Variants in STK3 observed in about 807,000 individuals in gnomAD.
The protein encoded by STK3 is serine/threonine-protein kinase 3.
Under a neutral mutation model 58.0 loss-of-function variants are expected in STK3, and 41 were observed. The ratio of observed to expected loss-of-function variants is 0.71; its 90% CI spans 0.55 to 0.92. The LOEUF is 0.92. STK3 is among the 40% of genes least tolerant of loss of function. STK3 has a pLI of 0.00. For synonymous variants in STK3, 170 were observed against 191.0 expected (o/e 0.89, Z 0.91); for missense variants, 479 against 602.7 (o/e 0.79, Z 2.15).
chr8:98,554,758 G>T (rs960632229), intron 8 of STK3, among the ~76,000 whole-genome samples: 1 of 152,074 alleles, frequency 6.6e-6, no homozygotes, highest in African/African-American at 2.4e-5. Context: ...TTATAATTTG[G>T]TGATGGTGTT....
intron 1 of STK3, among the ~76,000 whole-genome samples, chr8:98,809,228 C>T (rs1834071608): frequency 6.6e-6 from 1 of 152,210 alleles, no homozygotes; most frequent in Non-Finnish European, 1.5e-5. Flanking sequence ...TAGCCAATGA[C>T]TGAACTTGAT....
At chr8:98,710,269 C>T (rs1192078232) in intron 4 of STK3, among the ~76,000 whole-genome samples, 1 of 152,134 alleles carries the variant, frequency 6.6e-6, no homozygotes, top group African/African-American at 2.4e-5. Flanking sequence ...AGATTCATCT[C>T]ACTGGGGAGT....
At chr8:98,868,741 G>A (rs955173819) in intron 3 of STK3, among the ~76,000 whole-genome samples, 2 of 152,026 alleles carry the variant, frequency 1.3e-5, no homozygotes, top group Admixed American at 6.6e-5. Flanking sequence ...GGCCGACGCC[G>A]GCGGATGGCT....
intron 1 of STK3, among the ~76,000 whole-genome samples, chr8:98,824,946 G>A (rs1835154252): frequency 6.6e-6 from 1 of 152,200 alleles, no homozygotes; most frequent in Non-Finnish European, 1.5e-5. Flanking sequence ...GGCTTCCTAA[G>A]ATCATTGCAA....
At chr8:98,622,936 C>T (rs1818433797) in intron 6 of STK3, among the ~76,000 whole-genome samples, 1 of 152,064 alleles carries the variant, frequency 6.6e-6, no homozygotes, top group African/African-American at 2.4e-5. Context: ...TAATAGAACA[C>T]AACGGTAGTA....
intron 1 of STK3, among the ~76,000 whole-genome samples, chr8:98,908,791 C>A (rs79633577): frequency 7.0e-6 from 1 of 141,866 alleles, no homozygotes; most frequent in South Asian, 2.2e-4. Context: ...TGCAGTGAGC[C>A]GAGATAACAC....
Position 98,682,296 on chromosome 8 carries a change from C to A in STK3, c.684+24171G>T, listed in dbSNP as rs529467441. ...TGAACCAAAATGTACTAACTACATA[C>A]AAGTCCTTAAAGATCATGATGCAAC... On this transcript the variant is annotated intron_variant, in intron 6 of 10. Transcript: ENST00000419617. Among the ~76,000 whole-genome samples the A allele has an allele frequency of 2.6e-5, 4 of 152,242 alleles. No individual in the cohort carries two copies. In the South Asian group the frequency reaches 8.3e-4, roughly 32 times the overall value.
intron 10 of STK3, 69 bp downstream of exon 10, chr8:98,526,661 ATACATATGAACT>A: frequency 8.2e-7 from 1 of 1,222,926 alleles, no homozygotes; most frequent in Non-Finnish European, 1.1e-6. Flanking sequence ...CACAGTTCAT[ATACATATGAACT>A]ATGCTTCTCA....
chr8:98,659,508 CTT>C (rs113528602), intron 6 of STK3, among the ~76,000 whole-genome samples: 3 of 145,202 alleles, frequency 2.1e-5, no homozygotes, highest in Non-Finnish European at 3.1e-5. Context: ...AATTACTTAA[CTT>C]TTTTTTTTTT....
At chr8:98,412,893 A>G in intron 3 of STK3, 1 of 254,478 alleles carries the variant, frequency 3.9e-6, no homozygotes, top group Non-Finnish European at 7.4e-6. Context: ...TAGTTACTAA[A>G]AGAAGATTCA....
intron 3 of STK3, among the ~76,000 whole-genome samples, chr8:98,751,087 T>C (rs944793061): frequency 1.3e-5 from 2 of 152,156 alleles, no homozygotes; most frequent in South Asian, 2.1e-4. Flanking sequence ...AAACTAGGTA[T>C]TGAAGGAACA....
At chr8:98,693,866 A>AAAG (rs76378146) in intron 6 of STK3, among the ~76,000 whole-genome samples, 47,724 of 151,798 alleles carry the variant, frequency 0.31, 7,778 homozygotes, top group Admixed American at 0.43. Context: ...ATTGAGCAGG[A>AAAG]AAGGAGGACA....
intron 1 of STK3, among the ~76,000 whole-genome samples, chr8:98,910,516 T>C (rs1839087239): frequency 6.6e-6 from 1 of 152,228 alleles, no homozygotes; most frequent in Admixed American, 6.5e-5. Flanking sequence ...ACTTCTATAG[T>C]GTGATCAACT....
At chr8:98,826,072 A>AG (rs1479679116), upstream of STK3, among the ~76,000 whole-genome samples, 2 of 151,984 alleles carry the variant, frequency 1.3e-5, no homozygotes, top group Non-Finnish European at 2.9e-5. Flanking sequence ...CGCTAGAGCT[A>AG]GGGGGCGAGG....
intron 3 of STK3, chr8:98,427,935 C>T (rs1261393183): frequency 2.1e-6 from 3 of 1,437,984 alleles, no homozygotes; most frequent in Non-Finnish European, 2.8e-6. Context: ...CCTCCGCTTC[C>T]AGGTGTAGCG....
Position 98,448,012 on chromosome 8 carries a change from G to C in STK3, n.186-10804C>G, listed in dbSNP as rs549314587. Among the ~76,000 whole-genome samples the C allele has an allele frequency of 3.7e-5, 5 of 135,140 alleles. No individual in the cohort carries two copies. In the South Asian group the frequency reaches 9.5e-4, roughly 26 times the overall value. 88.7% of individuals were successfully genotyped at this position (135,140 alleles called of 152,430 possible). A position where few individuals can be genotyped will look rare whatever the true frequency, so the allele number is the denominator to read the frequency against. ...AGCAATATAAACTGAAAAAAAAAAAGAACTTTAAAAACATTCTGCTTGGAC... is the reference window on the plus strand; with the variant it reads ...AGCAATATAAACTGAAAAAAAAAAACAACTTTAAAAACATTCTGCTTGGAC... On this transcript the variant is annotated intron_variant and non_coding_transcript_variant, in intron 1 of 3. Transcript: ENST00000517832.
chr8:98,387,838 C>A (rs1817808027), intron 1 of STK3, among the ~76,000 whole-genome samples: 1 of 150,418 alleles, frequency 6.6e-6, no homozygotes, highest in African/African-American at 2.5e-5. Context: ...ATACTACTTC[C>A]CAGAAAAAGA....
chr8:98,509,129 C>G (rs946618646), intron 10 of STK3, among the ~76,000 whole-genome samples: 13 of 151,988 alleles, frequency 8.6e-5, no homozygotes, highest in Non-Finnish European at 1.8e-4. Flanking sequence ...AGGGAGCTTG[C>G]AGAAGGCAAA....
chr8:98,386,731 G>A (rs1817795448), intron 1 of STK3, among the ~76,000 whole-genome samples: 1 of 152,184 alleles, frequency 6.6e-6, no homozygotes, highest in Non-Finnish European at 1.5e-5. Context: ...TGTAATCCCA[G>A]CACTTTGGGA....
Sources: allele counts gnomAD v4.1 joint callset (sites outside exome capture counted in the v4.1 genomes callset), GRCh38; gene constraint gnomAD v4.1.1; transcripts MANE v1.5; gene names NCBI Gene and HGNC (gene_info 2026-07-23, HGNC 2026-07-21).